MRTFB: variants seen among roughly 807,000 people sequenced by gnomAD.
The protein encoded by MRTFB is myocardin-related transcription factor B.
In MRTFB, 29 loss-of-function variants were observed where a neutral mutation model predicts 104.2. The ratio of observed to expected loss-of-function variants is 0.28; its 90% CI spans 0.21 to 0.38. MRTFB has a LOEUF of 0.38. Among genes scored for constraint, MRTFB ranks in the 10% least tolerant of loss-of-function variants. MRTFB has a pLI of 1.00. For missense variants in MRTFB, 1,270 were observed against 1,341.6 expected (o/e 0.95, Z 0.83); for synonymous variants, 535 against 519.5 (o/e 1.03, Z -0.41).
At chr16:14,184,038 A>G (rs1313402750) in intron 3 of MRTFB, among the ~76,000 whole-genome samples, 1 of 138,024 alleles carries the variant, frequency 7.2e-6, no homozygotes, top group African/African-American at 2.7e-5. Context: ...ACAGTTGGGC[A>G]TTTTTCAGGA....
Position 14,174,457 on chromosome 16 carries a change from C to T in MRTFB, c.154+33697C>T, listed in dbSNP as rs561145334. Among the ~76,000 whole-genome samples, 105 of 152,102 alleles carry T rather than the reference C, an allele frequency of 6.9e-4. 1 individual carries two copies. Among genetic ancestry groups the T allele is most frequent in the Middle Eastern group, 6.8e-3 (2 of 294 alleles). ...CAGCACTTTGGGAGGCTGAGGTAGG[C>T]GGATCACTTGAGGTGAAGAGTTTGA... On this transcript the variant is annotated intron_variant, in intron 3 of 16. Coordinates refer to ENST00000571589, the MANE Select transcript of MRTFB (RefSeq NM_001308142.2).
the MRTFB span, among the ~76,000 whole-genome samples, chr16:14,017,707 A>ATTTTTTTTTTTTTTTTTTTTTTTTTT: frequency 5.3e-5 from 1 of 18,834 alleles, no homozygotes; most frequent in African/African-American, 9.2e-5. Context: ...ATATATATAT[A>ATTTTTTTTTTTTTTTTTTTTTTTTTT]TATATTTTTT....
chr16:14,156,130 C>T (rs944070706), intron 3 of MRTFB, among the ~76,000 whole-genome samples: 3 of 152,222 alleles, frequency 2.0e-5, no homozygotes, highest in Non-Finnish European at 4.4e-5. Flanking sequence ...GGCCACAGCC[C>T]TGCATTACCT....
At chr16:14,018,395 A>C in the MRTFB span, among the ~76,000 whole-genome samples, 1 of 152,138 alleles carries the variant, frequency 6.6e-6, no homozygotes, top group Non-Finnish European at 1.5e-5. Context: ...TTAAATACAC[A>C]CGTGTTCATC....
In MRTFB at chr16:14,255,299, T is replaced by C. The variant is rs2043431285; in HGVS notation, c.2703+2797T>C. 2.6e-5 allele frequency among the ~76,000 whole-genome samples: 4 copies of C among 152,266 alleles called. No individual in the cohort carries two copies. The South Asian group carries it at 8.3e-4, about 31-fold the overall frequency. Reference sequence around the variant, plus strand: ...GAAAGACAAATTTATAGCTTTGAGATGCTCGATAAACAAGCTGGATAAATC... The same window carrying C: ...GAAAGACAAATTTATAGCTTTGAGACGCTCGATAAACAAGCTGGATAAATC... On this transcript the variant is annotated intron_variant, in intron 15 of 16. Coordinates refer to ENST00000571589, the MANE Select transcript of MRTFB (RefSeq NM_001308142.2).
At chr16:14,018,521 C>CT in the MRTFB span, among the ~76,000 whole-genome samples, 5 of 152,132 alleles carry the variant, frequency 3.3e-5, no homozygotes, top group Admixed American at 6.6e-5. Flanking sequence ...ACGTATTATT[C>CT]TTAAAGTAAA....
intron 3 of MRTFB, chr16:14,141,953 C>G (rs1052839708): frequency 2.0e-5 from 3 of 151,864 alleles, no homozygotes; most frequent in African/African-American, 7.3e-5. Flanking sequence ...ATTCTCCTGC[C>G]TCAGCCTCCT....
At position 14,234,024 on chromosome 16, in the gene MRTFB, T is replaced by G. The variant is rs994989204; in HGVS notation, c.694-122T>G. Reference sequence around the variant, plus strand: ...CCATCTGGCCTCAGACATAATCATATATTTTTCCTTTGCTTCTTTTCTAGT... The same window carrying G: ...CCATCTGGCCTCAGACATAATCATAGATTTTTCCTTTGCTTCTTTTCTAGT... On this transcript the variant is annotated intron_variant, in intron 8 of 16. Coordinates refer to ENST00000571589, the MANE Select transcript of MRTFB (RefSeq NM_001308142.2). The G allele has an allele frequency of 3.3e-6, 4 of 1,206,662 alleles. No homozygotes were observed. In the African/African-American group the frequency reaches 6.1e-5, roughly 18 times the overall value. The allele number at this position is 1,206,662 out of a possible 1,614,324, so 74.7% of individuals were successfully genotyped here. A position where few individuals can be genotyped will look rare whatever the true frequency, so the allele number is the denominator to read the frequency against.
the MRTFB span, among the ~76,000 whole-genome samples, chr16:14,011,329 T>A: frequency 6.6e-6 from 1 of 152,178 alleles, no homozygotes; most frequent in East Asian, 1.9e-4. Context: ...TCACTTCACC[T>A]CTCTGAACCC....
chr16:14,019,366 G>A, the MRTFB span: 8 of 152,188 alleles, frequency 5.3e-5, no homozygotes, highest in Admixed American at 2.0e-4. Flanking sequence ...TCAAAGGGCT[G>A]TTACAATATT....
chr16:14,223,737 C>T (rs1197569378), intron 8 of MRTFB, among the ~76,000 whole-genome samples: 4 of 151,938 alleles, frequency 2.6e-5, no homozygotes, highest in Non-Finnish European at 4.4e-5. Flanking sequence ...CACCATCAAG[C>T]GATCAATGTA....
the MRTFB span, among the ~76,000 whole-genome samples, chr16:14,017,373 C>G: frequency 2.0e-5 from 3 of 151,472 alleles, no homozygotes; most frequent in Admixed American, 1.3e-4. Flanking sequence ...GTCTTCTTAA[C>G]AGCAGAAAGA....
At chr16:14,147,456 C>A (rs2038374736) in intron 3 of MRTFB, among the ~76,000 whole-genome samples, 1 of 152,178 alleles carries the variant, frequency 6.6e-6, no homozygotes, top group Non-Finnish European at 1.5e-5. Context: ...TGTTTTGATT[C>A]ACAGTGTAAA....
intron 2 of MRTFB, among the ~76,000 whole-genome samples, chr16:14,111,482 G>A (rs1393731928): frequency 6.6e-6 from 1 of 152,210 alleles, no homozygotes; most frequent in Non-Finnish European, 1.5e-5. Context: ...GGTGAATAAA[G>A]AACTTCAGAA....
At chr16:14,195,204 C>T (rs765355653) in intron 3 of MRTFB, among the ~76,000 whole-genome samples, 2 of 152,204 alleles carry the variant, frequency 1.3e-5, no homozygotes, top group Non-Finnish European at 2.9e-5. Context: ...TCTCCACATA[C>T]TACTGACATT....
intron 10 of MRTFB, among the ~76,000 whole-genome samples, chr16:14,243,822 A>G (rs975245748): frequency 2.7e-5 from 4 of 149,502 alleles, no homozygotes; most frequent in Admixed American, 6.6e-5. Context: ...TTCCATGATC[A>G]TCCTGACTTC....
chr16:14,089,958 G>T (rs147830074), intron 2 of MRTFB, among the ~76,000 whole-genome samples: 2 of 152,106 alleles, frequency 1.3e-5, no homozygotes, highest in South Asian at 2.1e-4. Context: ...CAAATTATTT[G>T]CCCATTTTTA....
chr16:14,028,656 C>A, the MRTFB span, among the ~76,000 whole-genome samples: 3 of 152,196 alleles, frequency 2.0e-5, no homozygotes, highest in Non-Finnish European at 4.4e-5. Context: ...ACTTTGGGAG[C>A]CTCTTAGGCC....
At chr16:14,251,715 G>C in intron 13 of MRTFB, 147 bp from the exon 14 acceptor site, 1 of 757,204 alleles carries the variant, frequency 1.3e-6, no homozygotes, top group Non-Finnish European at 2.1e-6. Flanking sequence ...TAACAACAGA[G>C]GCCAGGTGAC....
Sources: allele counts gnomAD v4.1 joint callset (sites outside exome capture counted in the v4.1 genomes callset), GRCh38; gene constraint gnomAD v4.1.1; transcripts MANE v1.5; gene names NCBI Gene and HGNC (gene_info 2026-07-23, HGNC 2026-07-21).